Variants in MARCHF1 observed in about 807,000 individuals in gnomAD.
MARCHF1 encodes the protein E3 ubiquitin-protein ligase MARCHF1.
MARCHF1 carries 40 observed loss-of-function variants against 54.2 expected under a neutral mutation model. That is an observed-to-expected ratio of 0.74 (90% confidence interval 0.57 to 0.96). The LOEUF (loss-of-function observed/expected upper bound fraction) is 0.96. MARCHF1 is among the 40% of genes least tolerant of loss of function. The pLI is 0.00. For synonymous variants in MARCHF1, 236 were observed against 236.3 expected, an observed-to-expected ratio of 1.00 and a Z score of 0.01; for missense variants, 586 against 656.5, an observed-to-expected ratio of 0.89 and a Z score of 1.17.
chr4:164,372,389 T>A (rs1248739061), intron 1 of MARCHF1, among the ~76,000 whole-genome samples: 3 of 152,178 alleles, frequency 2.0e-5, no homozygotes, highest in Non-Finnish European at 4.4e-5. Flanking sequence ...CACAGCATAT[T>A]ACATATTTAT....
intron 1 of MARCHF1, among the ~76,000 whole-genome samples, chr4:164,254,911 T>C (rs562838286): frequency 2.0e-5 from 3 of 152,306 alleles, no homozygotes; most frequent in South Asian, 2.1e-4. Flanking sequence ...CCAGGATTAA[T>C]ACTTTGTATC....
At chr4:163,717,344 G>A (rs1745297103) in intron 4 of MARCHF1, among the ~76,000 whole-genome samples, 1 of 151,644 alleles carries the variant, frequency 6.6e-6, no homozygotes, top group African/African-American at 2.4e-5. Context: ...TTTTATGGCT[G>A]CATAGTATTC....
intron 3 of MARCHF1, among the ~76,000 whole-genome samples, chr4:163,964,406 G>A (rs1044990825): frequency 5.9e-5 from 9 of 151,296 alleles, no homozygotes; most frequent in African/African-American, 1.7e-4. Context: ...TGTGAGTTAC[G>A]TTATGACAGT....
At chr4:163,909,528 T>C (rs1251819624) in intron 3 of MARCHF1, among the ~76,000 whole-genome samples, 1 of 152,174 alleles carries the variant, frequency 6.6e-6, no homozygotes, top group East Asian at 1.9e-4. Flanking sequence ...TTGCCTTCTA[T>C]GAGGGGTTCA....
At position 164,189,666 on chromosome 4, in the gene MARCHF1, T is replaced by C. The variant is rs544832975; in HGVS notation, c.-322-78004A>G. The C allele has an allele frequency of 7.4e-5, 69 of 931,092 alleles. No individual in the cohort carries two copies. In the East Asian group the frequency reaches 1.6e-3, roughly 21 times the overall value. The allele number at this position is 931,092 out of a possible 1,614,324, so 57.7% of individuals were successfully genotyped here. On this transcript the variant is annotated intron_variant, in intron 1 of 9. Coordinates refer to ENST00000514618, the MANE Select transcript of MARCHF1 (RefSeq NM_001394959.1). ...CATTTGGTATTGAAACTGTGGGAGG[T>C]GTCATGATCAAACTGATTCCAAGGA...
intron 2 of MARCHF1, among the ~76,000 whole-genome samples, chr4:164,060,791 C>T (rs1490532980): frequency 1.3e-5 from 2 of 152,134 alleles, no homozygotes; most frequent in East Asian, 3.8e-4. Flanking sequence ...TAAATGGACT[C>T]TTATAAGCAA....
intron 4 of MARCHF1, among the ~76,000 whole-genome samples, chr4:163,738,890 C>T (rs1370312397): frequency 6.6e-6 from 1 of 152,172 alleles, no homozygotes; most frequent in Non-Finnish European, 1.5e-5. Flanking sequence ...TAACCTCTAC[C>T]TCCTTCCTAC....
chr4:164,043,164 C>T (rs966044927), intron 2 of MARCHF1, among the ~76,000 whole-genome samples: 1 of 152,144 alleles, frequency 6.6e-6, no homozygotes, highest in Non-Finnish European at 1.5e-5. Context: ...GTAGACAGTG[C>T]CCCAGTAGGG....
intron 3 of MARCHF1, among the ~76,000 whole-genome samples, chr4:163,957,152 A>G (rs1400769643): frequency 1.6e-5 from 2 of 122,088 alleles, no homozygotes; most frequent in East Asian, 2.3e-4. Flanking sequence ...ACAGCTGACA[A>G]TAATTTTTTC....
intron 1 of MARCHF1, among the ~76,000 whole-genome samples, chr4:164,281,087 A>C (rs1734013919): frequency 6.6e-6 from 1 of 152,190 alleles, no homozygotes; most frequent in Admixed American, 6.5e-5. Flanking sequence ...TCAGTGTTTC[A>C]GTTGTATTCT....
intron 1 of MARCHF1, among the ~76,000 whole-genome samples, chr4:164,240,183 C>A (rs1231736099): frequency 6.6e-6 from 1 of 152,178 alleles, no homozygotes; most frequent in South Asian, 2.1e-4. Context: ...TGTTCCTTTA[C>A]TCTTGTTTTG....
intron 2 of MARCHF1, among the ~76,000 whole-genome samples, chr4:164,035,477 A>T (rs1753972172): frequency 6.6e-6 from 1 of 151,970 alleles, no homozygotes; most frequent in South Asian, 2.1e-4. Context: ...TAGAAAAAAA[A>T]AAAACTACAT....
intron 1 of MARCHF1, among the ~76,000 whole-genome samples, chr4:164,195,438 A>G (rs1187584515): frequency 6.6e-6 from 1 of 152,222 alleles, no homozygotes; most frequent in Non-Finnish European, 1.5e-5. Context: ...GTAAAATATA[A>G]TCAAACTAAG....
At chr4:164,124,827 T>TA (rs1560915758) in intron 1 of MARCHF1, among the ~76,000 whole-genome samples, 1 of 151,886 alleles carries the variant, frequency 6.6e-6, no homozygotes, top group South Asian at 2.1e-4. Flanking sequence ...GTGTGCACTT[T>TA]AAAAAAAGAA....
intron 1 of MARCHF1, among the ~76,000 whole-genome samples, chr4:164,146,618 A>G (rs920957557): frequency 1.1e-3 from 161 of 151,956 alleles, no homozygotes; most frequent in African/African-American, 3.8e-3. Flanking sequence ...CTGGCTAGCC[A>G]TATGTAGAAA....
intron 1 of MARCHF1, among the ~76,000 whole-genome samples, chr4:164,234,262 A>G (rs911099460): frequency 4.6e-5 from 7 of 152,108 alleles, no homozygotes; most frequent in African/African-American, 1.4e-4. Flanking sequence ...TCTTCTGAAA[A>G]CTCTTTCAAA....
At chr4:163,606,466 T>C (rs1342796977) in intron 7 of MARCHF1, among the ~76,000 whole-genome samples, 1 of 152,016 alleles carries the variant, frequency 6.6e-6, no homozygotes, top group African/African-American at 2.4e-5. Context: ...GAATATATGA[T>C]ACTGACTAGA....
At chr4:163,855,804 C>T (rs150671571) in intron 3 of MARCHF1, among the ~76,000 whole-genome samples, 45 of 152,270 alleles carry the variant, frequency 3.0e-4, no homozygotes, top group Non-Finnish European at 6.2e-4. Context: ...AGGTAGCCAA[C>T]TTCTTATTTC....
chr4:164,040,361 A>T (rs1754101750), intron 2 of MARCHF1, among the ~76,000 whole-genome samples: 1 of 122,740 alleles, frequency 8.1e-6, no homozygotes, highest in Non-Finnish European at 1.7e-5. Flanking sequence ...AGTTCTTATT[A>T]AATACTTACA....
Sources: allele counts gnomAD v4.1 joint callset (sites outside exome capture counted in the v4.1 genomes callset), GRCh38; gene constraint gnomAD v4.1.1; transcripts MANE v1.5; gene names NCBI Gene and HGNC (gene_info 2026-07-23, HGNC 2026-07-21).